FHIT: variants seen among roughly 807,000 people sequenced by gnomAD.
FHIT encodes fragile histidine triad diadenosine triphosphatase.
Under a neutral mutation model 17.9 loss-of-function variants are expected in FHIT, and 19 were observed. The ratio of observed to expected loss-of-function variants is 1.06; its 90% CI spans 0.74 to 1.56. The LOEUF is 1.56. FHIT is among the 40% of genes most tolerant of loss of function. The pLI, the probability that FHIT is intolerant of heterozygous loss-of-function variation, is 0.00. For missense variants in FHIT, 248 were observed against 189.2 expected (o/e 1.31, Z -1.82); for synonymous variants, 81 against 69.7 (o/e 1.16, Z -0.81).
At chr3:61,125,344 A>C (rs2036577442) in intron 2 of FHIT, among the ~76,000 whole-genome samples, 1 of 152,222 alleles carries the variant, frequency 6.6e-6, no homozygotes, top group African/African-American at 2.4e-5. Flanking sequence ...GCATACTTGA[A>C]AACTTATGAT....
intron 4 of FHIT, among the ~76,000 whole-genome samples, chr3:60,742,555 T>C (rs1296318961): frequency 3.3e-5 from 5 of 152,214 alleles, no homozygotes; most frequent in Non-Finnish European, 7.3e-5. Context: ...CATAGAATAA[T>C]GTTCTAACAC....
chr3:60,456,042 A>T (rs879491586), intron 5 of FHIT, among the ~76,000 whole-genome samples: 1 of 152,150 alleles, frequency 6.6e-6, no homozygotes, highest in Non-Finnish European at 1.5e-5. Flanking sequence ...ATCCACGTTC[A>T]TGAAGACACT....
At chr3:61,120,396 T>C (rs1380240901) in intron 2 of FHIT, among the ~76,000 whole-genome samples, 1 of 152,340 alleles carries the variant, frequency 6.6e-6, no homozygotes, top group Middle Eastern at 3.4e-3. Flanking sequence ...AGGCAATCTA[T>C]ATGCCAAGCT....
At chr3:60,577,747 C>G (rs1416277113) in intron 4 of FHIT, among the ~76,000 whole-genome samples, 1 of 152,032 alleles carries the variant, frequency 6.6e-6, no homozygotes, top group African/African-American at 2.4e-5. Flanking sequence ...TGCCTCAGGA[C>G]ATTTATGAAA....
chr3:60,973,144 T>C lies in FHIT; in HGVS notation c.-111+68903A>G, dbSNP rs562460190. Reference sequence around the variant, plus strand: ...ACAGATACACTTTTTATGGAAATTGTACAAGTTTTGAATGATGTTATCTTT... The same window carrying C: ...ACAGATACACTTTTTATGGAAATTGCACAAGTTTTGAATGATGTTATCTTT... On this transcript the variant is annotated intron_variant, in intron 3 of 9. Transcript: ENST00000492590. Among the ~76,000 whole-genome samples, 22 of 152,350 alleles carry C rather than the reference T, an allele frequency of 1.4e-4. 1 individual carries two copies. The highest frequency in any genetic ancestry group is 1.0e-3 in the Admixed American group (16 of 15,294).
intron 4 of FHIT, among the ~76,000 whole-genome samples, chr3:60,655,107 T>C (rs886473513): frequency 6.6e-5 from 10 of 152,270 alleles, no homozygotes; most frequent in African/African-American, 2.4e-4. Flanking sequence ...GTAAGGCAAA[T>C]ACTTCTTGTC....
At chr3:60,716,530 A>G (rs1553706846) in intron 4 of FHIT, among the ~76,000 whole-genome samples, 3 of 152,126 alleles carry the variant, frequency 2.0e-5, no homozygotes. Context: ...GGGCAGTAAC[A>G]GGCATGAAGT....
intron 3 of FHIT, among the ~76,000 whole-genome samples, chr3:61,031,476 G>C (rs898541375): frequency 1.3e-5 from 2 of 152,174 alleles, no homozygotes; most frequent in African/African-American, 4.8e-5. Context: ...TTTATAGAGA[G>C]AAAGAGATGA....
intron 8 of FHIT, among the ~76,000 whole-genome samples, chr3:59,854,200 G>T (rs960014701): frequency 6.6e-6 from 1 of 152,152 alleles, no homozygotes; most frequent in Non-Finnish European, 1.5e-5. Flanking sequence ...AAAGAAAAAG[G>T]CTGGGAAGGA....
intron 5 of FHIT, among the ~76,000 whole-genome samples, chr3:60,110,642 C>T (rs917177416): frequency 1.3e-5 from 2 of 152,146 alleles, no homozygotes; most frequent in African/African-American, 4.8e-5. Flanking sequence ...AACAGACATA[C>T]TAACATGACT....
chr3:60,623,371 C>T (rs901993938), intron 4 of FHIT, among the ~76,000 whole-genome samples: 1 of 152,192 alleles, frequency 6.6e-6, no homozygotes, highest in South Asian at 2.1e-4. Flanking sequence ...AATAGTCCCA[C>T]TTTACAGATG....
At chr3:60,148,780 C>T (rs1342789315) in intron 5 of FHIT, among the ~76,000 whole-genome samples, 1 of 152,198 alleles carries the variant, frequency 6.6e-6, no homozygotes, top group Non-Finnish European at 1.5e-5. Flanking sequence ...AAGAGAAAGA[C>T]ACATTATTTC....
chr3:60,941,275 A>C (rs1408211126), intron 3 of FHIT, among the ~76,000 whole-genome samples: 1 of 152,252 alleles, frequency 6.6e-6, no homozygotes, highest in Admixed American at 6.5e-5. Flanking sequence ...CTCCCTCTTC[A>C]TGAACTGGTC....
intron 7 of FHIT, among the ~76,000 whole-genome samples, chr3:59,953,955 A>C (rs1353020615): frequency 1.3e-5 from 2 of 152,230 alleles, no homozygotes; most frequent in Non-Finnish European, 2.9e-5. Context: ...AAACTGCATA[A>C]GCAGAGCCCA....
chr3:61,072,695 A>AT (rs2034844636), intron 2 of FHIT, among the ~76,000 whole-genome samples: 1 of 152,110 alleles, frequency 6.6e-6, no homozygotes. Context: ...TATATTTAAA[A>AT]TTTTTGTTTA....
intron 5 of FHIT, among the ~76,000 whole-genome samples, chr3:60,056,271 T>C (rs1254080032): frequency 6.6e-6 from 1 of 152,236 alleles, no homozygotes; most frequent in Non-Finnish European, 1.5e-5. Context: ...CCAGAAATTT[T>C]GGTGTAGATT....
At chr3:60,155,960 ATAT>A (rs1169996902) in intron 5 of FHIT, among the ~76,000 whole-genome samples, 3 of 152,202 alleles carry the variant, frequency 2.0e-5, no homozygotes, top group Admixed American at 6.5e-5. Flanking sequence ...TCTAAAGTAA[ATAT>A]AGTTTTAAAA....
intron 8 of FHIT, among the ~76,000 whole-genome samples, chr3:59,795,501 T>C (rs1699743010): frequency 6.6e-6 from 1 of 152,012 alleles, no homozygotes; most frequent in African/African-American, 2.4e-5. Context: ...GTAAGTTTAA[T>C]TGTGTGATAA....
Position 60,955,613 on chromosome 3 carries a change from T to TATATAC in FHIT, c.-111+86433_-111+86434insGTATAT, listed in dbSNP as rs1559862322. ...ATATATATACATATATATATATATATATATATATATATATATATATACACA... is the reference window on the plus strand; with the variant it reads ...ATATATATACATATATATATATATATATATACATATATATATATATATATATACACA... On this transcript the variant is annotated intron_variant, in intron 3 of 9. Transcript: ENST00000492590. 8.3e-4 allele frequency among the ~76,000 whole-genome samples: 11 copies of TATATAC among 13,312 alleles called. No homozygotes were observed. In the East Asian group the frequency reaches 0.13, roughly 157 times the overall value. 8.7% of individuals were successfully genotyped at this position (13,312 alleles called of 152,430 possible). A position where few individuals can be genotyped will look rare whatever the true frequency, so the allele number is the denominator to read the frequency against.
Sources: gnomAD v4.1 joint callset for allele counts (sites outside exome capture counted in the v4.1 genomes callset) on GRCh38, gnomAD v4.1.1 for gene constraint, MANE v1.5 for transcripts, NCBI Gene and HGNC (gene_info 2026-07-23, HGNC 2026-07-21) for gene names.